Variants in EPRS1 observed in about 807,000 individuals in gnomAD.
EPRS1 encodes the protein bifunctional glutamate/proline--tRNA ligase.
EPRS1 carries 107 observed loss-of-function variants against 188.3 expected under a neutral mutation model. The observed-to-expected ratio is 0.57, with a 90% confidence interval of 0.49 to 0.67. The LOEUF is 0.67. Among genes scored for constraint, EPRS1 ranks in the 30% least tolerant of loss-of-function variants. The pLI, the probability that EPRS1 is intolerant of heterozygous loss-of-function variation, is 0.00. For synonymous variants in EPRS1, 596 were observed against 593.1 expected (o/e 1.00, Z -0.07); for missense variants, 1,577 against 1,802.2 (o/e 0.88, Z 2.26).
intron 16 of EPRS1, among the ~76,000 whole-genome samples, chr1:220,003,705 T>C (rs1661403664): frequency 6.6e-6 from 1 of 152,240 alleles, no homozygotes; most frequent in African/African-American, 2.4e-5. Flanking sequence ...TTTTAGTTGG[T>C]GGTACCACCA....
intron 24 of EPRS1, 72 bp from the exon 25 acceptor site, chr1:219,980,929 T>A (rs1660883528): frequency 1.0e-6 from 1 of 973,450 alleles, no homozygotes; most frequent in Non-Finnish European, 1.6e-6. Context: ...AGACAGGGTC[T>A]TGCTCTGTCC....
intron 28 of EPRS1, 25 bp downstream of exon 28, chr1:219,978,521 T>C: frequency 1.3e-6 from 2 of 1,513,632 alleles, no homozygotes; most frequent in Non-Finnish European, 1.8e-6. Flanking sequence ...ATGTTGGGGG[T>C]AAAAGATAAA....
At chr1:220,018,604 ACTC>A in intron 11 of EPRS1, 96 bp from the exon 12 acceptor site, 3 of 824,948 alleles carry the variant, frequency 3.6e-6, no homozygotes, top group Non-Finnish European at 4.0e-6. Context: ...AAAAAAAAAA[ACTC>A]GATAAATACT....
rs1661934414 is a variant in EPRS1, at chr1:220,024,456, C to A, written c.751G>T (p.Val251Phe). The change falls in exon 8 of 32, where the codon GTT becomes TTT. Residue 251 changes from valine (V) to phenylalanine (F), a missense_variant and splice_region_variant. Physicochemically the swap from Val to Phe is conservative, Grantham distance 50 (BLOSUM62 -1). Around this residue, in one of 3 missense-constraint regions of EPRS1, gnomAD observed 1,278 missense variants for 1,457.4 expected, o/e 0.88. Coordinates refer to ENST00000366923, the MANE Select transcript of EPRS1 (RefSeq NM_004446.3). ...AACATTGCAACATCTTCCAAGATAA[C>A]CTGTAGTAAGAAACCAAAATAACCA... Reference protein sequence around the residue: ...PEKEKEDFEKVILEDVAMLHI... With the variant: ...PEKEKEDFEKFILEDVAMLHI... 6.3e-7 allele frequency: 1 copy of A among 1,591,696 alleles called. No homozygotes were observed. Among genetic ancestry groups the A allele is most frequent in the African/African-American group, 1.4e-5 (1 of 74,052 alleles).
intron 5 of EPRS1, among the ~76,000 whole-genome samples, chr1:220,032,175 C>T (rs75847744): frequency 7.3e-5 from 11 of 151,576 alleles, no homozygotes; most frequent in Non-Finnish European, 1.0e-4. Flanking sequence ...CCCAGGTTCA[C>T]ACCATTCTCC....
At chr1:220,031,534 T>A (rs534054557) in intron 5 of EPRS1, among the ~76,000 whole-genome samples, 16 of 152,276 alleles carry the variant, frequency 1.1e-4, no homozygotes, top group African/African-American at 3.8e-4. Flanking sequence ...GAAGGATGAG[T>A]AAAGATTTGT....
intron 1 of EPRS1, among the ~76,000 whole-genome samples, 178 bp from the exon 2 acceptor site, chr1:220,040,447 C>T (rs960214144): frequency 6.6e-6 from 1 of 152,186 alleles, no homozygotes; most frequent in Non-Finnish European, 1.5e-5. Context: ...AGCAACAAAT[C>T]AGAATCCAGA....
At chr1:220,001,290 T>G (rs372760271) in intron 16 of EPRS1, 35 bp from the exon 17 acceptor site, 255 of 1,242,690 alleles carry the variant, frequency 2.1e-4, no homozygotes, top group Non-Finnish European at 2.9e-4. Context: ...ATAGTTTATT[T>G]GAACAAAATT....
intron 13 of EPRS1, among the ~76,000 whole-genome samples, 190 bp downstream of exon 13, chr1:220,010,756 G>T (rs1661587387): frequency 6.7e-6 from 1 of 150,354 alleles, no homozygotes; most frequent in Admixed American, 6.6e-5. Flanking sequence ...GTTGCAGTGA[G>T]CCGAGATCGC....
intron 3 of EPRS1, 99 bp from the exon 4 acceptor site, chr1:220,033,757 C>T (rs1311022792): frequency 1.3e-6 from 1 of 763,442 alleles, no homozygotes; most frequent in Non-Finnish European, 2.2e-6. Flanking sequence ...CAACAGTACA[C>T]TCTTACTATG....
Position 219,979,400 on chromosome 1 carries a change from C to G in EPRS1, c.3909+18G>C. 1.9e-6 allele frequency: 3 copies of G among 1,558,816 alleles called. No individual in the cohort carries two copies. The highest frequency in any genetic ancestry group is 2.6e-6 in the Non-Finnish European group (3 of 1,140,560). The stretch of plus-strand genomic sequence containing the variant: ...TGTATTTTATAAAATGAGTGATAAA[C>G]AGGAATATTTTCCTTACCTGAACAC... On this transcript the variant is annotated intron_variant, in intron 27 of 31. Coordinates refer to ENST00000366923, the MANE Select transcript of EPRS1 (RefSeq NM_004446.3).
chr1:220,033,319 C>T (rs565864656), intron 4 of EPRS1, among the ~76,000 whole-genome samples, 183 bp downstream of exon 4: 3 of 152,060 alleles, frequency 2.0e-5, no homozygotes, highest in Admixed American at 6.5e-5. Flanking sequence ...AGGGAATTCC[C>T]GTAGCTGGAT....
rs776524172 is a variant in EPRS1, at chr1:219,984,221, A to C, written c.3075T>G (p.Ala1025=). 6.2e-7 allele frequency: 1 copy of C among 1,613,538 alleles called. No individual in the cohort carries two copies. Among genetic ancestry groups the C allele is most frequent in the African/African-American group, 1.3e-5 (1 of 75,048 alleles). ...GCATACTCACCTGAGAATACCAATC[A>C]GCAAGATTTTCTTCTTTTTTTGCCT... The part of the protein sequence containing the change: ...GLEAKKEENL[A]DWYSQVITKS... Residue 1025 remains alanine (A), a synonymous_variant, in exon 21 of 32, where the codon GCT becomes GCG. Coordinates refer to ENST00000366923, the MANE Select transcript of EPRS1 (RefSeq NM_004446.3).
chr1:220,037,505 CAAAAAAAA>C (rs766349279), intron 2 of EPRS1, among the ~76,000 whole-genome samples: 2 of 52,332 alleles, frequency 3.8e-5, no homozygotes, highest in Admixed American at 2.2e-4. Flanking sequence ...ACTCCATCTC[CAAAAAAAA>C]AAAAAAAAAA....
At chr1:220,007,474 G>C in intron 13 of EPRS1, 136 bp from the exon 14 acceptor site, 2 of 693,014 alleles carry the variant, frequency 2.9e-6, no homozygotes. Flanking sequence ...GTTCATTGCT[G>C]TATTAGGAAG....
At chr1:219,985,051 A>T (rs1216507743) in intron 20 of EPRS1, among the ~76,000 whole-genome samples, 1 of 146,264 alleles carries the variant, frequency 6.8e-6, no homozygotes, top group Non-Finnish European at 1.5e-5. Context: ...TCTCAAAAGA[A>T]AAAAAAAAAA....
chr1:219,994,779 A>T (rs1292190956), intron 18 of EPRS1, among the ~76,000 whole-genome samples: 1 of 151,480 alleles, frequency 6.6e-6, no homozygotes, highest in East Asian at 1.9e-4. Flanking sequence ...CAGCCTCCCA[A>T]GTAGCTGGGA....
In EPRS1 at chr1:220,033,412, C is replaced by A. The variant is rs537056066; in HGVS notation, c.388+90G>T. On this transcript the variant is annotated intron_variant, in intron 4 of 31. Transcript: ENST00000366923. ...AAACATATATATACACACACATATA[C>A]ATACATGCATACACACAGAAATATA... 19 of 886,128 alleles carry A rather than the reference C, an allele frequency of 2.1e-5. No individual in the cohort carries two copies. The South Asian group carries it at 2.9e-4, about 13-fold the overall frequency. The allele number at this position is 886,128 out of a possible 1,614,324, so 54.9% of individuals were successfully genotyped here.
rs892388297 is a variant in EPRS1, at chr1:219,968,961, A to C, written c.4389-5T>G. ...CCAGGTTCAAGATCTTGATCCCTGA[A>C]ATTAATAACAAATAAGAATTCCACT... On this transcript the variant is annotated splice_polypyrimidine_tract_variant and splice_region_variant and intron_variant, in intron 31 of 31. Coordinates refer to ENST00000366923, the MANE Select transcript of EPRS1 (RefSeq NM_004446.3). 3 of 1,613,982 alleles carry C rather than the reference A, an allele frequency of 1.9e-6. No homozygotes were observed. Among genetic ancestry groups the C allele is most frequent in the Non-Finnish European group, 2.5e-6 (3 of 1,179,868 alleles).
Sources: allele counts gnomAD v4.1 joint callset (sites outside exome capture counted in the v4.1 genomes callset), GRCh38; gene constraint gnomAD v4.1.1; regional missense constraint gnomAD v4.1.1; transcripts MANE v1.5; gene names NCBI Gene and HGNC (gene_info 2026-07-23, HGNC 2026-07-21).